CYBA: variants seen among roughly 807,000 people sequenced by gnomAD.
CYBA encodes the protein cytochrome b-245 light chain.
Under a neutral mutation model 20.8 loss-of-function variants are expected in CYBA, and 21 were observed. The observed-to-expected ratio is 1.01, with a 90% CI of 0.72 to 1.46. CYBA has a LOEUF of 1.46. Ranked by LOEUF, CYBA falls within the 40% of genes most tolerant of loss-of-function variation. The pLI, the probability that CYBA is intolerant of heterozygous loss-of-function variation, is 0.00. For synonymous variants in CYBA, 164 were observed against 127.5 expected (o/e 1.29, Z -1.93); for missense variants, 344 against 287.0 (o/e 1.20, Z -1.43).
intron 1 of CYBA, chr16:88,650,488 G>T (rs1019714467): frequency 2.1e-6 from 1 of 465,506 alleles, no homozygotes; most frequent in Non-Finnish European, 4.3e-6. Flanking sequence ...GATGAGAAGG[G>T]CTGAGCCCCA....
At chr16:88,646,289 C>T in intron 4 of CYBA, 92 bp from the exon 5 acceptor site, 1 of 340,930 alleles carries the variant, frequency 2.9e-6, no homozygotes, top group Admixed American at 9.0e-5. Context: ...CACAAAGTCT[C>T]AGGACAAGGC....
chr16:88,651,045 G>A lies in CYBA; in HGVS notation c.-32C>T, dbSNP rs1477470668. The A allele has an allele frequency of 6.4e-7, 1 of 1,570,906 alleles. No homozygotes were observed. Among genetic ancestry groups the A allele is most frequent in the Admixed American group, 1.8e-5 (1 of 55,650 alleles). ...ACGAACCCGGCTGGGACACTGCTAG[G>A]CGCGCACTGCCGCCCCTGCGCTCCC... On this transcript the variant is annotated 5_prime_UTR_variant, in exon 1 of 6. Coordinates refer to ENST00000261623, the MANE Select transcript of CYBA (RefSeq NM_000101.4).
intron 1 of CYBA, 148 bp from the exon 2 acceptor site, chr16:88,648,262 C>T (rs1279817375): frequency 2.7e-6 from 2 of 730,392 alleles, no homozygotes; most frequent in Non-Finnish European, 2.3e-6. Flanking sequence ...GGGACACCCC[C>T]AGGAGGCACC....
Position 88,648,096 on chromosome 16 carries a change from ATGCCCCCGG to A in CYBA, c.68_76del (p.Thr23_Gly25del). 1 of 1,612,726 alleles carries A rather than the reference ATGCCCCCGG, an allele frequency of 6.2e-7. No individual in the cohort carries two copies. Among genetic ancestry groups the A allele is most frequent in the Non-Finnish European group, 8.5e-7 (1 of 1,179,762 alleles). On this transcript the variant is annotated inframe_deletion, in exon 2 of 6. Transcript: ENST00000261623. ...GGTGAAGCGCCCAGCTGTGGCCACG[ATGCCCCCGG>A]TGATGAGGACTGCGGGGAGAAGTGG...
At chr16:88,648,966 C>G (rs1417852184) in intron 1 of CYBA, among the ~76,000 whole-genome samples, 1 of 137,934 alleles carries the variant, frequency 7.2e-6, no homozygotes, top group Non-Finnish European at 1.5e-5. Flanking sequence ...GAGACAGAGT[C>G]TTGCCCTGTC....
chr16:88,646,686 G>A, intron 4 of CYBA, 69 bp downstream of exon 4: 1 of 1,412,264 alleles, frequency 7.1e-7, no homozygotes, highest in Non-Finnish European at 1.0e-6. Context: ...AGCCCGGCCG[G>A]TGGGACAGTG....
At chr16:88,650,616 C>T in intron 1 of CYBA, 1 of 522,842 alleles carries the variant, frequency 1.9e-6, no homozygotes, top group Non-Finnish European at 3.7e-6. Context: ...TCGGGGGCTT[C>T]GGGGCGGTGA....
intron 1 of CYBA, among the ~76,000 whole-genome samples, chr16:88,648,939 T>TG (rs1312621382): frequency 7.5e-6 from 1 of 132,876 alleles, no homozygotes; most frequent in Non-Finnish European, 1.6e-5. Flanking sequence ...TTTTATTTCT[T>TG]TTTTTTTTTT....
At chr16:88,645,771 C>T in intron 5 of CYBA, 1 of 537,276 alleles carries the variant, frequency 1.9e-6, no homozygotes. Flanking sequence ...GACCCAAGCG[C>T]AGGCACGGTC....
intron 5 of CYBA, among the ~76,000 whole-genome samples, chr16:88,644,154 C>A (rs529263018): frequency 6.6e-6 from 1 of 152,342 alleles, no homozygotes; most frequent in Non-Finnish European, 1.5e-5. Flanking sequence ...GGAGTGTGTG[C>A]TTTTCATCTT....
chr16:88,645,819 C>G (rs567342370), intron 5 of CYBA: 1 of 552,808 alleles, frequency 1.8e-6, no homozygotes. Flanking sequence ...GTCACAGCAC[C>G]TCCCTGAGCC....
rs768380806 is a variant in CYBA, at chr16:88,646,748, G to T, written c.287+7C>A. The T allele has an allele frequency of 6.2e-7, 1 of 1,612,214 alleles. No individual in the cohort carries two copies. Among genetic ancestry groups the T allele is most frequent in the Admixed American group, 1.7e-5 (1 of 60,026 alleles). Reference sequence around the variant, plus strand: ...AGCCCTAGAGGGGGTGCGGGACGGGGACTCACAGGAGATGCAGGACGGCCC... The same window carrying T: ...AGCCCTAGAGGGGGTGCGGGACGGGTACTCACAGGAGATGCAGGACGGCCC... On this transcript the variant is annotated splice_region_variant and intron_variant, in intron 4 of 5. Transcript: ENST00000261623.
At chr16:88,647,054 T>G (rs1409499353) in intron 3 of CYBA, 47 bp downstream of exon 3, 18 of 1,549,106 alleles carry the variant, frequency 1.2e-5, no homozygotes, top group Non-Finnish European at 1.6e-5. Flanking sequence ...GAGCCCTGCC[T>G]GGGCCCCGCA....
At chr16:88,645,575 C>T in intron 5 of CYBA, 1 of 625,598 alleles carries the variant, frequency 1.6e-6, no homozygotes, top group Non-Finnish European at 2.9e-6. Context: ...AGGCTGCGCC[C>T]TGTCCTCCCA....
Position 88,646,101 on chromosome 16 carries a change from G to C in CYBA, c.369+15C>G. The C allele has an allele frequency of 1.3e-6, 2 of 1,547,028 alleles. No homozygotes were observed. The highest frequency in any genetic ancestry group is 1.7e-6 in the Non-Finnish European group (2 of 1,146,832). On this transcript the variant is annotated intron_variant, in intron 5 of 5. Transcript: ENST00000261623. ...ATGGGGGTGGCCGGGGCCGACCTCA[G>C]AGGGCGCCACTCACCAGTAGGTAGA...
chr16:88,647,103 G>A lies in CYBA; in HGVS notation c.201C>T (p.Arg67=), dbSNP rs1907316876. The A allele has an allele frequency of 6.2e-7, 1 of 1,610,406 alleles. No individual in the cohort carries two copies. The change falls in exon 3 of 6, where the codon CGC becomes CGT. Residue 67 remains arginine (R), a splice_region_variant and synonymous_variant. Coordinates refer to ENST00000261623, the MANE Select transcript of CYBA (RefSeq NM_000101.4). ...GKRKKGSTME[R]WGQKYMTAVV... is the part of the protein sequence containing the mutation. ...CCCCAGAGCAGGAGGAGACTCACCA[G>A]CGCTCCATGGTGGAGCCCTTCTTCC...
chr16:88,646,378 G>A, intron 4 of CYBA, 181 bp from the exon 5 acceptor site: 1 of 173,818 alleles, frequency 5.8e-6, no homozygotes, highest in East Asian at 2.1e-4. Flanking sequence ...GTGGACACTA[G>A]CGGCTCTGGT....
intron 5 of CYBA, among the ~76,000 whole-genome samples, chr16:88,644,373 G>C (rs1907200257): frequency 6.6e-6 from 1 of 152,224 alleles, no homozygotes; most frequent in Non-Finnish European, 1.5e-5. Context: ...ACAGACCATA[G>C]AGCAGGTGAA....
At chr16:88,650,512 T>C (rs777556805) in intron 1 of CYBA, 2 of 472,252 alleles carry the variant, frequency 4.2e-6, no homozygotes, top group Non-Finnish European at 8.4e-6. Context: ...CATGAGCCCA[T>C]TCCCCACCCC....
Sources: gnomAD v4.1 joint callset for allele counts (sites outside exome capture counted in the v4.1 genomes callset) on GRCh38, gnomAD v4.1.1 for gene constraint, MANE v1.5 for transcripts, NCBI Gene and HGNC (gene_info 2026-07-23, HGNC 2026-07-21) for gene names.